Variants in ATAD2 observed in about 807,000 individuals in gnomAD.
ATAD2 encodes ATPase family AAA domain-containing protein 2.
A neutral mutation model predicts 168.9 loss-of-function variants in ATAD2; 62 were observed. The observed-to-expected ratio is 0.37, with a 90% CI of 0.30 to 0.45. The LOEUF (loss-of-function observed/expected upper bound fraction) is 0.45, where lower values mean the gene tolerates loss of function less well. ATAD2 is among the 20% of genes least tolerant of loss of function. The pLI is 1.00. For synonymous variants in ATAD2, 613 were observed against 571.6 expected (o/e 1.07, Z -1.03); for missense variants, 1,419 against 1,667.8 (o/e 0.85, Z 2.60).
chr8:123,334,005 T>A lies in ATAD2; in HGVS notation c.3351A>T (p.Lys1117Asn). The A allele has an allele frequency of 6.2e-7, 1 of 1,613,932 alleles. No individual in the cohort carries two copies. The highest frequency in any genetic ancestry group is 8.5e-7 in the Non-Finnish European group (1 of 1,179,906). ...SRKKRGCSSS[K>N]YAPSYYHVMP... Reference sequence around the variant, plus strand: ...TCACATGGTAGTAAGACGGGGCATATTTGGAGGAGCTACAACCTTATAAAT... The same window carrying A: ...TCACATGGTAGTAAGACGGGGCATAATTGGAGGAGCTACAACCTTATAAAT... Residue 1117 changes from lysine (K) to asparagine (N), a missense_variant, in exon 24 of 28, where the codon AAA (lysine) becomes AAT (asparagine). By Grantham distance (94) the Lys-to-Asn change is moderately conservative. Transcript: ENST00000287394.
Position 123,328,213 on chromosome 8 carries a change from A to G in ATAD2, c.3845T>C (p.Ile1282Thr). The G allele has an allele frequency of 7.1e-7, 1 of 1,405,072 alleles. No individual in the cohort carries two copies. The highest frequency in any genetic ancestry group is 9.3e-7 in the Non-Finnish European group (1 of 1,075,582). 87.0% of individuals were successfully genotyped at this position (1,405,072 alleles called of 1,614,324 possible). ...ACCTTTTCCTTCATTTTCATCAGAA[A>G]TATGTATTATCTGAGAGCTAGAAGC... is the stretch of plus-strand genomic sequence containing the variant. ...GDASSSQIIH[I>T]SDENEGKEMC... Residue 1282 changes from isoleucine to threonine, a missense_variant, in exon 25 of 28, where the codon ATT (isoleucine) becomes ACT (threonine). By Grantham distance (89) the Ile-to-Thr change is moderately conservative. Around this residue, in one of 5 missense-constraint regions of ATAD2, gnomAD observed 303 missense variants for 304.3 expected, o/e 1.00. Coordinates refer to ENST00000287394, the MANE Select transcript of ATAD2 (RefSeq NM_014109.4).
chr8:123,407,079 G>A (rs1813077851), intron 1 of ATAD2, among the ~76,000 whole-genome samples: 1 of 152,156 alleles, frequency 6.6e-6, no homozygotes, highest in African/African-American at 2.4e-5. Flanking sequence ...GTGATGTGAA[G>A]ACAGGCAGAG....
intron 21 of ATAD2, 43 bp downstream of exon 21, chr8:123,337,582 A>AT (rs780342376): frequency 1.4e-5 from 21 of 1,497,132 alleles, no homozygotes; most frequent in Non-Finnish European, 1.9e-5. Context: ...ATTGTGAAGC[A>AT]TTATGGCCTA....
At position 123,323,049 on chromosome 8, in the gene ATAD2, AAC is replaced by A; in HGVS notation, c.4018_4019del (p.Val1340CysfsTer2). On this transcript the variant is annotated frameshift_variant, in exon 27 of 28. Transcript: ENST00000287394. LOFTEE classifies it high-confidence loss of function. ...TGTTGTAGTTTTGACTTTTTTTAAC[AAC>A]AGTCTTCAAAAGATTCTAAAAGAAA... ...HERLKNLLKT[V>X]VKKSQNYNIF... is the part of the protein sequence containing the mutation. 2 of 1,611,216 alleles carry A rather than the reference AAC, an allele frequency of 1.2e-6. No homozygotes were observed. The highest frequency in any genetic ancestry group is 1.7e-6 in the Non-Finnish European group (2 of 1,178,164).
intron 1 of ATAD2, among the ~76,000 whole-genome samples, chr8:123,387,456 T>C (rs970493008): frequency 3.9e-5 from 6 of 152,154 alleles, no homozygotes; most frequent in African/African-American, 9.6e-5. Context: ...GTAATTAACA[T>C]TGGATGACAG....
chr8:123,362,783 T>G (rs1381331546), intron 8 of ATAD2, among the ~76,000 whole-genome samples: 1 of 152,242 alleles, frequency 6.6e-6, no homozygotes, highest in East Asian at 1.9e-4. Context: ...CAAGAAAGAC[T>G]TTTTAAATGC....
intron 13 of ATAD2, among the ~76,000 whole-genome samples, chr8:123,351,446 C>A (rs532430601): frequency 6.6e-6 from 1 of 151,312 alleles, no homozygotes; most frequent in African/African-American, 2.4e-5. Context: ...TCTGTCCCTT[C>A]GGGGAGGGGG....
At chr8:123,401,070 T>C (rs1317748359), upstream of ATAD2, 2 of 1,573,388 alleles carry the variant, frequency 1.3e-6, no homozygotes, top group Non-Finnish European at 1.7e-6. Context: ...ACATCGACTT[T>C]CTTGCTGAGA....
At chr8:123,342,273 T>A (rs531160323) in intron 19 of ATAD2, 2 of 152,260 alleles carry the variant, frequency 1.3e-5, no homozygotes, top group Non-Finnish European at 2.9e-5. Flanking sequence ...ATATACCATA[T>A]CCTGTTTAAT....
chr8:123,396,496 C>A, upstream of ATAD2: 3 of 847,028 alleles, frequency 3.5e-6, no homozygotes, highest in Non-Finnish European at 5.3e-6. Flanking sequence ...GCCCAGAATC[C>A]CTCCGCCGTC....
chr8:123,368,484 T>G (rs987515017), intron 8 of ATAD2, among the ~76,000 whole-genome samples: 1 of 152,092 alleles, frequency 6.6e-6, no homozygotes, highest in African/African-American at 2.4e-5. Flanking sequence ...GGACTTAAAT[T>G]TGACCAATGA....
chr8:123,360,561 G>A (rs1828783741), intron 9 of ATAD2, among the ~76,000 whole-genome samples: 1 of 152,058 alleles, frequency 6.6e-6, no homozygotes, highest in Non-Finnish European at 1.5e-5. Flanking sequence ...CAGGCTGGAA[G>A]TTCCCTAACT....
upstream of ATAD2, among the ~76,000 whole-genome samples, chr8:123,398,810 TC>T (rs1812960511): frequency 2.0e-5 from 3 of 152,214 alleles, no homozygotes; most frequent in South Asian, 6.2e-4. Context: ...AAACAATTTT[TC>T]TGATTTTTCT....
chr8:123,338,948 T>A (rs1168309971), intron 20 of ATAD2, among the ~76,000 whole-genome samples: 1 of 152,108 alleles, frequency 6.6e-6, no homozygotes. Context: ...GGGATAGAGA[T>A]AGAAGCTTTA....
intron 9 of ATAD2, among the ~76,000 whole-genome samples, chr8:123,360,937 C>CA (rs34721440): frequency 0.058 from 6,018 of 104,246 alleles, 199 homozygotes; most frequent in African/African-American, 0.11. Context: ...TTATTATAAG[C>CA]AAAAAAAAAA....
At chr8:123,366,180 C>A (rs1048741136) in intron 8 of ATAD2, among the ~76,000 whole-genome samples, 1 of 152,162 alleles carries the variant, frequency 6.6e-6, no homozygotes, top group African/African-American at 2.4e-5. Context: ...CTCAACATCA[C>A]TAATGATCAG....
At chr8:123,337,475 A>T in intron 21 of ATAD2, 150 bp downstream of exon 21, 1 of 613,616 alleles carries the variant, frequency 1.6e-6, no homozygotes, top group Non-Finnish European at 2.5e-6. Context: ...CTTAAAGTCT[A>T]CATGTGCTTA....
intron 13 of ATAD2, among the ~76,000 whole-genome samples, chr8:123,355,203 A>C (rs1453014797): frequency 6.6e-6 from 1 of 152,188 alleles, no homozygotes; most frequent in Non-Finnish European, 1.5e-5. Context: ...CAAGTTTAAA[A>C]GGCCATTAGA....
Position 123,320,455 on chromosome 8 carries a change from G to C in ATAD2, c.*679C>G, listed in dbSNP as rs1827435557. 6.6e-6 allele frequency: 1 copy of C among 152,126 alleles called. No individual in the cohort carries two copies. Among genetic ancestry groups the C allele is most frequent in the African/African-American group, 2.4e-5 (1 of 41,414 alleles). The allele number at this position is 152,126 out of a possible 1,614,324, so 9.4% of individuals were successfully genotyped here. Reference sequence around the variant, plus strand: ...CTATTAAAAGGTGTTTAACAAGGTAGTTATTAATACATTTGTTGTGTATAT... The same window carrying C: ...CTATTAAAAGGTGTTTAACAAGGTACTTATTAATACATTTGTTGTGTATAT... On this transcript the variant is annotated 3_prime_UTR_variant, in exon 28 of 28. Transcript: ENST00000287394.
Sources: allele counts gnomAD v4.1 joint callset (sites outside exome capture counted in the v4.1 genomes callset), GRCh38; gene constraint gnomAD v4.1.1; regional missense constraint gnomAD v4.1.1; transcripts MANE v1.5; gene names NCBI Gene and HGNC (gene_info 2026-07-23, HGNC 2026-07-21).